The following AUTS2 variants were observed in gnomAD, a reference collection of about 807,000 sequenced individuals.
AUTS2 encodes the protein activator of transcription and developmental regulator AUTS2, also known as autism susceptibility gene 2 protein.
In AUTS2, 17 loss-of-function variants were observed where a neutral mutation model predicts 112.4. The ratio of observed to expected loss-of-function variants is 0.15; its 90% confidence interval spans 0.10 to 0.23. The LOEUF (loss-of-function observed/expected upper bound fraction) is 0.23, where lower values mean the gene tolerates loss of function less well. Among genes scored for constraint, AUTS2 ranks in the 10% least tolerant of loss-of-function variants. The probability of loss-of-function intolerance (pLI) is 1.00; values close to 1 mark genes in which losing one functional copy is unlikely to be tolerated. For missense variants in AUTS2, 1,510 were observed against 1,701.6 expected, an observed-to-expected ratio of 0.89 and a Z score of 1.98; for synonymous variants, 751 against 702.7, an observed-to-expected ratio of 1.07 and a Z score of -1.09.
At chr7:70,119,392 G>A (rs1388847401) in intron 3 of AUTS2, 1 of 148,080 alleles carries the variant, frequency 6.8e-6, no homozygotes, top group Non-Finnish European at 1.5e-5. Context: ...TTGAGACTGA[G>A]TCTTGCTCTG....
chr7:69,859,188 A>T (rs1192242265), intron 1 of AUTS2, among the ~76,000 whole-genome samples: 1 of 152,212 alleles, frequency 6.6e-6, no homozygotes, highest in Non-Finnish European at 1.5e-5. Context: ...GAGGGTTTAA[A>T]ATTACTCCAG....
intron 4 of AUTS2, among the ~76,000 whole-genome samples, chr7:70,246,490 G>A (rs901998478): frequency 1.3e-5 from 2 of 152,092 alleles, no homozygotes; most frequent in African/African-American, 4.8e-5. Flanking sequence ...TGGACCAACT[G>A]TCATAAATTA....
intron 4 of AUTS2, among the ~76,000 whole-genome samples, chr7:70,350,563 G>A (rs544173277): frequency 2.6e-5 from 4 of 152,108 alleles, no homozygotes; most frequent in Admixed American, 2.6e-4. Context: ...TCACTATCAC[G>A]AGAGCAGCAC....
At chr7:70,087,401 C>T (rs977843258) in intron 2 of AUTS2, among the ~76,000 whole-genome samples, 18 of 148,726 alleles carry the variant, frequency 1.2e-4, no homozygotes, top group African/African-American at 3.7e-4. Flanking sequence ...CAGAGTCTCA[C>T]TCTTGTAGCC....
chr7:69,982,751 TC>T (rs1158499469), intron 2 of AUTS2, among the ~76,000 whole-genome samples: 1 of 152,244 alleles, frequency 6.6e-6, no homozygotes, highest in Non-Finnish European at 1.5e-5. Context: ...GGTGTGTTAC[TC>T]TTGGCAGAGG....
chr7:69,972,853 G>A (rs1356564103), intron 2 of AUTS2, among the ~76,000 whole-genome samples: 1 of 152,066 alleles, frequency 6.6e-6, no homozygotes, highest in African/African-American at 2.4e-5. Context: ...TTGATTTAAT[G>A]TCTGTTCCTC....
chr7:70,775,603 C>T (rs1790635563), intron 13 of AUTS2, among the ~76,000 whole-genome samples: 1 of 151,130 alleles, frequency 6.6e-6, no homozygotes, highest in Non-Finnish European at 1.5e-5. Flanking sequence ...ATCTCTACAA[C>T]AGAGAAAAGT....
intron 1 of AUTS2, among the ~76,000 whole-genome samples, chr7:69,650,033 A>G (rs1795222829): frequency 6.6e-6 from 1 of 152,180 alleles, no homozygotes; most frequent in African/African-American, 2.4e-5. Context: ...GTTTTGTTAC[A>G]CTGTGGATGG....
chr7:69,639,997 T>G (rs1436559622), intron 1 of AUTS2, among the ~76,000 whole-genome samples: 3 of 152,196 alleles, frequency 2.0e-5, no homozygotes, highest in African/African-American at 7.2e-5. Context: ...GTCAAACGCC[T>G]CACCTCTTGG....
chr7:70,301,930 T>A (rs931000197), intron 4 of AUTS2, among the ~76,000 whole-genome samples: 3 of 135,814 alleles, frequency 2.2e-5, no homozygotes, highest in Non-Finnish European at 4.7e-5. Flanking sequence ...GTGTTTTGTT[T>A]TTTGTGGTTT....
intron 5 of AUTS2, among the ~76,000 whole-genome samples, chr7:70,438,536 G>A (rs1319551213): frequency 6.6e-6 from 1 of 152,114 alleles, no homozygotes; most frequent in African/African-American, 2.4e-5. Flanking sequence ...CTCCCAACAG[G>A]AGCCATTGAG....
chr7:70,073,404 G>A (rs960726071), intron 2 of AUTS2, among the ~76,000 whole-genome samples: 1 of 151,580 alleles, frequency 6.6e-6, no homozygotes, highest in South Asian at 2.1e-4. Context: ...CCAGCTACTC[G>A]GGGGGCTGTG....
chr7:70,758,095 G>A (rs1789338106), intron 6 of AUTS2, among the ~76,000 whole-genome samples: 1 of 151,916 alleles, frequency 6.6e-6, no homozygotes, highest in African/African-American at 2.4e-5. Flanking sequence ...CGGCTTCTTT[G>A]TACGTAAAAT....
At chr7:70,756,332 C>G (rs980959084) in intron 6 of AUTS2, among the ~76,000 whole-genome samples, 3 of 151,986 alleles carry the variant, frequency 2.0e-5, no homozygotes, top group African/African-American at 7.2e-5. Flanking sequence ...CCACAACCAC[C>G]CTAGGAGGTT....
intron 2 of AUTS2, among the ~76,000 whole-genome samples, chr7:70,090,101 A>G (rs1803833973): frequency 4.6e-5 from 7 of 151,560 alleles, no homozygotes; most frequent in Admixed American, 4.6e-4. Flanking sequence ...ATTCCATTTT[A>G]TCTCCTTTCT....
intron 1 of AUTS2, among the ~76,000 whole-genome samples, chr7:69,606,782 C>A (rs904436440): frequency 2.6e-5 from 4 of 152,108 alleles, no homozygotes; most frequent in South Asian, 2.1e-4. Context: ...AGGAGAAGAT[C>A]AAAAATAATT....
intron 1 of AUTS2, among the ~76,000 whole-genome samples, chr7:69,615,509 G>A (rs1448360095): frequency 6.6e-6 from 1 of 151,902 alleles, no homozygotes; most frequent in African/African-American, 2.4e-5. Flanking sequence ...CTCCATGTTG[G>A]CCAGGTTGGT....
chr7:70,338,628 T>C (rs1791103615), intron 4 of AUTS2, among the ~76,000 whole-genome samples: 1 of 152,170 alleles, frequency 6.6e-6, no homozygotes, highest in Non-Finnish European at 1.5e-5. Context: ...GAAATTGCAA[T>C]GATTATATCA....
At chr7:70,363,856 G>C (rs1792405872) in intron 4 of AUTS2, among the ~76,000 whole-genome samples, 1 of 152,094 alleles carries the variant, frequency 6.6e-6, no homozygotes, top group Non-Finnish European at 1.5e-5. Context: ...GACTCTTACA[G>C]TCCTCCTCTA....
Sources: allele counts gnomAD v4.1 joint callset (sites outside exome capture counted in the v4.1 genomes callset), GRCh38; gene constraint gnomAD v4.1.1; transcripts MANE v1.5; gene names NCBI Gene and HGNC (gene_info 2026-07-23, HGNC 2026-07-21).